LARP1B: variants seen among roughly 807,000 people sequenced by gnomAD.
LARP1B encodes the protein la-related protein 1B.
A neutral mutation model predicts 114.2 loss-of-function variants in LARP1B; 76 were observed. The ratio of observed to expected loss-of-function variants is 0.67; its 90% confidence interval spans 0.55 to 0.81. The LOEUF is 0.81. Among genes scored for constraint, LARP1B ranks in the 30% least tolerant of loss-of-function variants. The probability of loss-of-function intolerance (pLI) is 0.00; values close to 1 mark genes in which losing one functional copy is unlikely to be tolerated. For missense variants in LARP1B, 1,014 were observed against 1,075.8 expected (o/e 0.94, Z 0.80); for synonymous variants, 345 against 348.0 (o/e 0.99, Z 0.10).
rs533717679 is a variant in LARP1B at position 128,108,186 on chromosome 4, C to T, written c.988+873C>T. The T allele has an allele frequency of 9.5e-4, 1,163 of 1,221,838 alleles. 2 individuals carry two copies. Among genetic ancestry groups the T allele is most frequent in the Non-Finnish European group, 1.0e-3 (1,021 of 981,518 alleles). 75.7% of individuals were successfully genotyped at this position (1,221,838 alleles called of 1,614,324 possible). On this transcript the variant is annotated intron_variant, in intron 9 of 19. Coordinates refer to ENST00000326639, the MANE Select transcript of LARP1B (RefSeq NM_018078.4). ...CTGGGCTGCATGGGCTGCTTTTATT[C>T]ATGGTGGGAAAGTTAATTATTATTA... is the stretch of plus-strand genomic sequence containing the variant.
At chr4:128,163,219 GGTT>G (rs1360403227) in intron 12 of LARP1B, among the ~76,000 whole-genome samples, 4 of 151,946 alleles carry the variant, frequency 2.6e-5, no homozygotes, top group African/African-American at 9.7e-5. Flanking sequence ...GAAGAAACTG[GGTT>G]GTTTGTCTTG....
intron 11 of LARP1B, among the ~76,000 whole-genome samples, chr4:128,124,099 T>C (rs1013557088): frequency 4.6e-5 from 7 of 152,194 alleles, no homozygotes; most frequent in Non-Finnish European, 7.3e-5. Context: ...TCATTTAACA[T>C]ATACTCATTG....
chr4:128,123,972 T>G (rs2150031154), intron 11 of LARP1B: 1 of 152,392 alleles, frequency 6.6e-6, no homozygotes, highest in South Asian at 2.1e-4. Context: ...GACCTGATTC[T>G]TATGTACATT....
At chr4:128,118,967 G>A (rs1459140747) in intron 10 of LARP1B, among the ~76,000 whole-genome samples, 4 of 146,210 alleles carry the variant, frequency 2.7e-5, no homozygotes, top group Non-Finnish European at 6.0e-5. Context: ...TGTAACCTCC[G>A]CCTCCCAGGT....
intron 17 of LARP1B, among the ~76,000 whole-genome samples, chr4:128,204,590 G>A (rs1478043813): frequency 6.6e-6 from 1 of 151,804 alleles, no homozygotes; most frequent in Non-Finnish European, 1.5e-5. Context: ...AGGAGGTGGA[G>A]GTTGCAGTGA....
At chr4:128,069,906 A>T (rs1764549922) in intron 1 of LARP1B, among the ~76,000 whole-genome samples, 1 of 152,128 alleles carries the variant, frequency 6.6e-6, no homozygotes, top group Non-Finnish European at 1.5e-5. Context: ...GGTTCCTAGA[A>T]ACCTCAAGTA....
At chr4:128,065,309 CTTTCTT>C (rs1208761494) in intron 1 of LARP1B, among the ~76,000 whole-genome samples, 3,154 of 97,310 alleles carry the variant, frequency 0.032, 125 homozygotes, top group Admixed American at 0.056. Flanking sequence ...TTCTTTCTTT[CTTTCTT>C]TCTCTCTCTC....
intron 9 of LARP1B, among the ~76,000 whole-genome samples, chr4:128,113,999 C>T (rs1238029647): frequency 2.0e-5 from 3 of 151,912 alleles, no homozygotes; most frequent in East Asian, 3.9e-4. Context: ...TTGGTCAGGC[C>T]AGTCGACACT....
chr4:128,061,640 C>T, intron 1 of LARP1B: 1 of 975,888 alleles, frequency 1.0e-6, no homozygotes, highest in Non-Finnish European at 1.2e-6. Context: ...GACGGGCAGT[C>T]GGGTTCCCTG....
At chr4:128,214,313 G>GGCCT (rs1561593937), downstream of LARP1B, among the ~76,000 whole-genome samples, 2 of 148,812 alleles carry the variant, frequency 1.3e-5, no homozygotes, top group Non-Finnish European at 1.5e-5. Flanking sequence ...AGCTCAAGGA[G>GGCCT]GCCTGCCTGC....
At position 128,210,869 on chromosome 4, in the gene LARP1B, C is replaced by A; in HGVS notation, c.*816C>A. ...GCATTGGGATTGATTGGAATATTGTCCTAAATTAATTAAATCTTGCACTGT... is the reference window on the plus strand; with the variant it reads ...GCATTGGGATTGATTGGAATATTGTACTAAATTAATTAAATCTTGCACTGT... On this transcript the variant is annotated 3_prime_UTR_variant, in exon 20 of 20. Transcript: ENST00000326639. 1.0e-6 allele frequency: 1 copy of A among 984,338 alleles called. No individual in the cohort carries two copies. The highest frequency in any genetic ancestry group is 1.1e-4 in the East Asian group (1 of 8,818). 61.0% of individuals were successfully genotyped at this position (984,338 alleles called of 1,614,324 possible). A position where few individuals can be genotyped will look rare whatever the true frequency, so the allele number is the denominator to read the frequency against.
At chr4:128,134,869 C>G (rs574517258) in intron 11 of LARP1B, among the ~76,000 whole-genome samples, 1 of 152,244 alleles carries the variant, frequency 6.6e-6, no homozygotes, top group African/African-American at 2.4e-5. Context: ...CTTTAGGAGG[C>G]TGAGGTGGGT....
At chr4:128,081,318 A>G (rs1205902473) in intron 4 of LARP1B, among the ~76,000 whole-genome samples, 1 of 148,340 alleles carries the variant, frequency 6.7e-6, no homozygotes, top group African/African-American at 2.5e-5. Flanking sequence ...ACCTTAGGTT[A>G]TCTGCCCGCT....
At chr4:128,074,557 T>A in intron 2 of LARP1B, 39 bp downstream of exon 2, 1 of 660,730 alleles carries the variant, frequency 1.5e-6, no homozygotes. Flanking sequence ...CTGTATTGAT[T>A]TTTGAAAATT....
intron 12 of LARP1B, among the ~76,000 whole-genome samples, chr4:128,176,485 G>A (rs1230862337): frequency 6.6e-6 from 1 of 151,522 alleles, no homozygotes; most frequent in Non-Finnish European, 1.5e-5. Flanking sequence ...GTAGAGATGG[G>A]GTTTCACCAC....
chr4:128,190,467 G>A (rs535561777), intron 15 of LARP1B, among the ~76,000 whole-genome samples: 148 of 152,110 alleles, frequency 9.7e-4, no homozygotes, highest in African/African-American at 3.5e-3. Context: ...GTTCCCACCC[G>A]TCTCATCTCG....
At chr4:128,138,446 ATATTT>A (rs1447224463) in intron 11 of LARP1B, among the ~76,000 whole-genome samples, 1 of 152,220 alleles carries the variant, frequency 6.6e-6, no homozygotes, top group Non-Finnish European at 1.5e-5. Flanking sequence ...TCAAATATAG[ATATTT>A]TATTAACATA....
At chr4:128,104,511 C>G (rs143853842) in intron 8 of LARP1B, among the ~76,000 whole-genome samples, 112 of 152,118 alleles carry the variant, frequency 7.4e-4, no homozygotes, top group Middle Eastern at 3.4e-3. Flanking sequence ...CTGACCTGAT[C>G]TCAGCTCACT....
At position 128,206,475 on chromosome 4, in the gene LARP1B, A is replaced by C; in HGVS notation, c.2357A>C (p.Lys786Thr). Residue 786 changes from lysine (K) to threonine (T), a missense_variant, in exon 18 of 20, where the codon AAA becomes ACA. Physicochemically the swap from Lys to Thr is moderately conservative, Grantham distance 78. Coordinates refer to ENST00000326639, the MANE Select transcript of LARP1B (RefSeq NM_018078.4). ...AGGTTTTATAGTTATGGACTGGAAA[A>C]AAAATTCAGGCGAGAAATTTTTCAG... Reference protein sequence around the residue: ...LFRFYSYGLEKKFRREIFQDF... With the variant: ...LFRFYSYGLETKFRREIFQDF... 6.2e-7 allele frequency: 1 copy of C among 1,613,536 alleles called. No individual in the cohort carries two copies. The highest frequency in any genetic ancestry group is 1.3e-5 in the African/African-American group (1 of 75,034).
Sources: gnomAD v4.1 joint callset for allele counts (sites outside exome capture counted in the v4.1 genomes callset) on GRCh38, gnomAD v4.1.1 for gene constraint, MANE v1.5 for transcripts, NCBI Gene and HGNC (gene_info 2026-07-23, HGNC 2026-07-21) for gene names.